CSMD1: variants seen among roughly 807,000 people sequenced by gnomAD.
CSMD1 encodes CUB and Sushi multiple domains 1.
A neutral mutation model predicts 417.5 loss-of-function variants in CSMD1; 213 were observed. The ratio of observed to expected loss-of-function variants is 0.51; its 90% CI spans 0.46 to 0.57. The LOEUF is 0.57. Among genes scored for constraint, CSMD1 ranks in the 20% least tolerant of loss-of-function variants. The pLI is 0.00. For synonymous variants in CSMD1, 2,862 were observed against 1,736.8 expected, an observed-to-expected ratio of 1.65 and a Z score of -16.11; for missense variants, 6,923 against 4,529.7, an observed-to-expected ratio of 1.53 and a Z score of -15.17.
At chr8:4,231,925 ATG>A (rs1801757471) in intron 3 of CSMD1, among the ~76,000 whole-genome samples, 1 of 9,880 alleles carries the variant, frequency 1.0e-4, no homozygotes, top group East Asian at 3.6e-3. Flanking sequence ...TACATAAAAT[ATG>A]TGTTTTCCTT....
At chr8:4,694,039 G>A (rs1249501010) in intron 1 of CSMD1, among the ~76,000 whole-genome samples, 1 of 152,148 alleles carries the variant, frequency 6.6e-6, no homozygotes, top group East Asian at 1.9e-4. Context: ...AAGTCAAGCT[G>A]GGAACTGCTT....
At chr8:4,720,779 A>C (rs1054412782) in intron 1 of CSMD1, among the ~76,000 whole-genome samples, 1 of 152,162 alleles carries the variant, frequency 6.6e-6, no homozygotes, top group African/African-American at 2.4e-5. Context: ...CTTGGTCCAT[A>C]CTTTGTGACT....
At chr8:3,344,099 G>C (rs1039321126) in intron 22 of CSMD1, among the ~76,000 whole-genome samples, 1 of 152,180 alleles carries the variant, frequency 6.6e-6, no homozygotes, top group Non-Finnish European at 1.5e-5. Flanking sequence ...GATGTAATAA[G>C]TATACGGAAG....
At chr8:3,124,394 C>A (rs1817378572) in intron 41 of CSMD1, among the ~76,000 whole-genome samples, 1 of 151,970 alleles carries the variant, frequency 6.6e-6, no homozygotes, top group African/African-American at 2.4e-5. Flanking sequence ...AATATAAAAC[C>A]TGGTTAAGGT....
At chr8:4,247,602 A>T (rs1369967874) in intron 3 of CSMD1, among the ~76,000 whole-genome samples, 4 of 152,204 alleles carry the variant, frequency 2.6e-5, no homozygotes, top group African/African-American at 9.7e-5. Flanking sequence ...CCTGCATTAC[A>T]TAATTACAAG....
At chr8:4,215,307 C>T (rs1328870971) in intron 3 of CSMD1, among the ~76,000 whole-genome samples, 1 of 152,192 alleles carries the variant, frequency 6.6e-6, no homozygotes, top group African/African-American at 2.4e-5. Flanking sequence ...CCCTCCCCAC[C>T]ACCCAATAGT....
intron 23 of CSMD1, among the ~76,000 whole-genome samples, chr8:3,328,119 T>C (rs1806653507): frequency 1.3e-5 from 2 of 152,222 alleles, no homozygotes; most frequent in South Asian, 4.1e-4. Context: ...TTTCTGCTAT[T>C]GTGATTCAAT....
At chr8:3,909,046 G>A (rs1020679886) in intron 5 of CSMD1, among the ~76,000 whole-genome samples, 3 of 152,198 alleles carry the variant, frequency 2.0e-5, no homozygotes, top group Admixed American at 1.3e-4. Context: ...TGGGTGAAAT[G>A]CGGGGAGCAG....
At chr8:3,477,036 G>C (rs1002601910) in intron 11 of CSMD1, among the ~76,000 whole-genome samples, 4 of 152,056 alleles carry the variant, frequency 2.6e-5, no homozygotes, top group South Asian at 2.1e-4. Context: ...TTCTGATTTT[G>C]CTGGTGGTTA....
chr8:3,636,802 A>T (rs998039298), intron 7 of CSMD1, among the ~76,000 whole-genome samples: 46 of 152,214 alleles, frequency 3.0e-4, no homozygotes, highest in African/African-American at 1.1e-3. Flanking sequence ...GTTTCATACG[A>T]TCATATCTTT....
At chr8:3,128,505 T>C (rs1817628242) in intron 41 of CSMD1, 1 of 227,456 alleles carries the variant, frequency 4.4e-6, no homozygotes, top group Non-Finnish European at 8.8e-6. Context: ...GTATGATTTA[T>C]GCATCTTCTT....
At chr8:4,495,531 C>G (rs1367700248) in intron 2 of CSMD1, among the ~76,000 whole-genome samples, 1 of 151,856 alleles carries the variant, frequency 6.6e-6, no homozygotes, top group African/African-American at 2.4e-5. Context: ...GCCAGTATCT[C>G]GCCACTGCAC....
At chr8:4,369,713 G>T (rs1274228891) in intron 3 of CSMD1, among the ~76,000 whole-genome samples, 2 of 151,940 alleles carry the variant, frequency 1.3e-5, no homozygotes, top group Admixed American at 6.6e-5. Context: ...TTTTTTTATT[G>T]TTGTTGGTTT....
chr8:4,683,603 T>C (rs190251527), intron 1 of CSMD1, among the ~76,000 whole-genome samples: 1 of 152,288 alleles, frequency 6.6e-6, no homozygotes, highest in African/African-American at 2.4e-5. Flanking sequence ...AAACCTTTCA[T>C]CAGACAGTTG....
At chr8:4,851,677 C>G (rs573567955) in intron 1 of CSMD1, among the ~76,000 whole-genome samples, 1 of 152,268 alleles carries the variant, frequency 6.6e-6, no homozygotes, top group African/African-American at 2.4e-5. Flanking sequence ...CCTCTCCTCA[C>G]TAAGAGTCCC....
intron 7 of CSMD1, among the ~76,000 whole-genome samples, chr8:3,653,314 T>C (rs902589040): frequency 2.6e-5 from 4 of 152,060 alleles, no homozygotes; most frequent in Admixed American, 6.6e-5. Context: ...GGGGTTCTTT[T>C]GTTGTTGTTG....
At chr8:4,396,236 C>G (rs1356222431) in intron 3 of CSMD1, among the ~76,000 whole-genome samples, 1 of 151,662 alleles carries the variant, frequency 6.6e-6, no homozygotes, top group Non-Finnish European at 1.5e-5. Flanking sequence ...CCAAGGTAGG[C>G]AGATCGCTTG....
intron 10 of CSMD1, among the ~76,000 whole-genome samples, chr8:3,523,039 ACT>A (rs201961070): frequency 0.02 from 2,911 of 147,594 alleles, 70 homozygotes; most frequent in South Asian, 0.069. Flanking sequence ...ACACACACAC[ACT>A]ACTCTTAAAA....
chr8:3,030,033 C>G (rs1021098042), intron 50 of CSMD1, among the ~76,000 whole-genome samples: 3 of 151,980 alleles, frequency 2.0e-5, no homozygotes, highest in African/African-American at 7.2e-5. Context: ...CATAGGCATA[C>G]TGCACTAATA....
Sources: gnomAD v4.1 joint callset for allele counts (sites outside exome capture counted in the v4.1 genomes callset) on GRCh38, gnomAD v4.1.1 for gene constraint, MANE v1.5 for transcripts, NCBI Gene and HGNC (gene_info 2026-07-23, HGNC 2026-07-21) for gene names.